IBTK: variants seen among roughly 807,000 people sequenced by gnomAD.
IBTK encodes BTK-binding protein.
IBTK carries 83 observed loss-of-function variants against 154.9 expected under a neutral mutation model. That is an observed-to-expected ratio of 0.54 (90% CI 0.45 to 0.64). The LOEUF is 0.64. Ranked by LOEUF, IBTK falls within the 30% of genes least tolerant of loss-of-function variation. The probability of loss-of-function intolerance (pLI) is 0.00; values close to 1 mark genes in which losing one functional copy is unlikely to be tolerated. For missense variants in IBTK, 1,332 were observed against 1,584.6 expected (o/e 0.84, Z 2.71); for synonymous variants, 515 against 536.1 (o/e 0.96, Z 0.54).
intron 2 of IBTK, among the ~76,000 whole-genome samples, chr6:82,239,307 G>A (rs1228617581): frequency 6.6e-6 from 1 of 151,850 alleles, no homozygotes; most frequent in African/African-American, 2.4e-5. Flanking sequence ...GCCAGGCGTG[G>A]TGGTGGGTGC....
chr6:82,219,089 C>G (rs1769976396), intron 9 of IBTK, among the ~76,000 whole-genome samples: 1 of 151,960 alleles, frequency 6.6e-6, no homozygotes, highest in Non-Finnish European at 1.5e-5. Context: ...TTTCCTTCCA[C>G]TAGTACAAAC....
chr6:82,182,766 CAG>C, intron 25 of IBTK, among the ~76,000 whole-genome samples: 1 of 152,126 alleles, frequency 6.6e-6, no homozygotes, highest in African/African-American at 2.4e-5. Flanking sequence ...AAACACAACA[CAG>C]AATGAAAATG....
At chr6:82,200,840 A>T in intron 19 of IBTK, 132 bp from the exon 20 acceptor site, 2 of 989,472 alleles carry the variant, frequency 2.0e-6, no homozygotes, top group Non-Finnish European at 2.8e-6. Flanking sequence ...GCCCCAAGCA[A>T]ACCTCCCATC....
rs543966508 is a variant in IBTK at position 82,199,128 on chromosome 6, G to A, written c.3025+1013C>T. Among the ~76,000 whole-genome samples, 26 of 152,264 alleles carry A rather than the reference G, an allele frequency of 1.7e-4. No individual in the cohort carries two copies. The East Asian group carries it at 4.8e-3, about 28-fold the overall frequency. ...GGTATGATAATGGTATTGTGGTTGT[G>A]TAGAAGAGTATTCCCATCTTAAAAG... is the stretch of plus-strand genomic sequence containing the variant. On this transcript the variant is annotated intron_variant, in intron 21 of 28. Transcript: ENST00000306270.
chr6:82,184,908 G>A (rs1017799886), intron 25 of IBTK, among the ~76,000 whole-genome samples: 3 of 152,034 alleles, frequency 2.0e-5, no homozygotes, highest in African/African-American at 4.8e-5. Context: ...TCGGCTGGGC[G>A]TGGTGGCTCA....
chr6:82,188,210 ACAAT>A lies in IBTK; in HGVS notation c.3575+2859_3575+2862del, dbSNP rs912129283. ...GCTTCCAGTCAGAACTTAAGAGAAA[ACAAT>A]CAATCAATAAATTGACAAAATGAAA... On this transcript the variant is annotated intron_variant, in intron 25 of 28. Transcript: ENST00000306270. Among the ~76,000 whole-genome samples the A allele has an allele frequency of 3.0e-4, 46 of 152,202 alleles. 1 individual carries two copies. The highest frequency in any genetic ancestry group is 9.9e-4 in the African/African-American group (41 of 41,442).
intron 21 of IBTK, among the ~76,000 whole-genome samples, chr6:82,199,781 A>G (rs975922046): frequency 6.6e-6 from 1 of 152,090 alleles, no homozygotes; most frequent in Non-Finnish European, 1.5e-5. Flanking sequence ...ACCCTATCCA[A>G]CCTATCTCCT....
At chr6:82,228,880 C>A (rs771904368) in intron 4 of IBTK, among the ~76,000 whole-genome samples, 3 of 152,072 alleles carry the variant, frequency 2.0e-5, no homozygotes, top group Non-Finnish European at 4.4e-5. Context: ...CTCAGCCTCC[C>A]AAAGTGCTGG....
intron 23 of IBTK, among the ~76,000 whole-genome samples, chr6:82,193,132 AGGGAACCT>A (rs1768842509): frequency 6.6e-6 from 1 of 152,108 alleles, no homozygotes; most frequent in Non-Finnish European, 1.5e-5. Flanking sequence ...TTCATATTAA[AGGGAACCT>A]GTTTCCTGTA....
intron 3 of IBTK, among the ~76,000 whole-genome samples, chr6:82,233,585 T>C (rs957051300): frequency 1.3e-5 from 2 of 152,038 alleles, no homozygotes; most frequent in Non-Finnish European, 2.9e-5. Flanking sequence ...ATATCCAACA[T>C]ATACCAAAGT....
intron 17 of IBTK, among the ~76,000 whole-genome samples, chr6:82,202,865 C>A (rs1217694017): frequency 6.6e-6 from 1 of 152,148 alleles, no homozygotes; most frequent in African/African-American, 2.4e-5. Flanking sequence ...AATAAGCTCA[C>A]ACACAAGCAT....
chr6:82,221,148 A>G (rs1233139654), intron 8 of IBTK, among the ~76,000 whole-genome samples: 2 of 152,116 alleles, frequency 1.3e-5, no homozygotes, highest in Non-Finnish European at 2.9e-5. Context: ...CCAAAATAGC[A>G]AAACCCTAGC....
At chr6:82,183,790 T>C in intron 25 of IBTK, among the ~76,000 whole-genome samples, 1 of 152,236 alleles carries the variant, frequency 6.6e-6, no homozygotes, top group Non-Finnish European at 1.5e-5. Flanking sequence ...GTCACTGTGA[T>C]TGTATTGTGA....
chr6:82,223,527 G>T lies in IBTK; in HGVS notation c.1037C>A (p.Ala346Asp). 6.2e-7 allele frequency: 1 copy of T among 1,614,050 alleles called. No homozygotes were observed. Among genetic ancestry groups the T allele is most frequent in the Non-Finnish European group, 8.5e-7 (1 of 1,179,892 alleles). ...HHKDIALSLV[A>D]ASDGATVCVT... ...ACAGACTGTAGCTCCATCACTTGCAGCAACCAAAGACAGAGCAATGTCTTT... is the reference window on the plus strand; with the variant it reads ...ACAGACTGTAGCTCCATCACTTGCATCAACCAAAGACAGAGCAATGTCTTT... Residue 346 changes from alanine to aspartate, a missense_variant, in exon 8 of 29, where the codon GCT (alanine) becomes GAT (aspartate). By Grantham distance (126) the Ala-to-Asp change is moderately radical. Around this residue, in one of 3 missense-constraint regions of IBTK, gnomAD observed 1,134 missense variants for 1,274.7 expected, o/e 0.89. Coordinates refer to ENST00000306270, the MANE Select transcript of IBTK (RefSeq NM_015525.4).
chr6:82,225,291 C>T (rs1455324494), intron 6 of IBTK, among the ~76,000 whole-genome samples, 186 bp downstream of exon 6: 1 of 151,922 alleles, frequency 6.6e-6, no homozygotes, highest in Non-Finnish European at 1.5e-5. Context: ...GCCTGGGCAA[C>T]AGAGGAAGAC....
Position 82,201,406 on chromosome 6 carries a change from A to C in IBTK, c.2790+16T>G. The C allele has an allele frequency of 6.3e-7, 1 of 1,592,004 alleles. No homozygotes were observed. The highest frequency in any genetic ancestry group is 8.6e-7 in the Non-Finnish European group (1 of 1,165,618). On this transcript the variant is annotated intron_variant, in intron 19 of 28. Transcript: ENST00000306270. ...GTAATATTATAGCCGCGAAAATCTT[A>C]AAACATAAACCTTACCATTTTCCGG...
At chr6:82,185,200 A>C (rs112588285) in intron 25 of IBTK, among the ~76,000 whole-genome samples, 2,536 of 151,094 alleles carry the variant, frequency 0.017, 82 homozygotes, top group African/African-American at 0.059. Context: ...AAAAAAAAAA[A>C]AAAAAACAGA....
chr6:82,200,750 GAAGTTT>G, intron 19 of IBTK, 42 bp from the exon 20 acceptor site: 1 of 488,270 alleles, frequency 2.0e-6, no homozygotes, highest in Non-Finnish European at 3.2e-6. Context: ...CAAAATCTGT[GAAGTTT>G]TTTTTTTTTT....
At chr6:82,201,883 G>A (rs1258567557) in intron 18 of IBTK, among the ~76,000 whole-genome samples, 4 of 151,852 alleles carry the variant, frequency 2.6e-5, no homozygotes, top group Non-Finnish European at 4.4e-5. Context: ...ACACAATCAC[G>A]CTCGGCTAAT....
Sources: gnomAD v4.1 joint callset for allele counts (sites outside exome capture counted in the v4.1 genomes callset) on GRCh38, gnomAD v4.1.1 for gene constraint, gnomAD v4.1.1 regional missense constraint, MANE v1.5 for transcripts, NCBI Gene and HGNC (gene_info 2026-07-23, HGNC 2026-07-21) for gene names.